The following DNAH3 variants were observed in gnomAD, a reference collection of about 807,000 sequenced individuals.
The protein encoded by DNAH3 is axonemal beta dynein heavy chain 3.
Under a neutral mutation model 432.5 loss-of-function variants are expected in DNAH3, and 332 were observed. The ratio of observed to expected loss-of-function variants is 0.77; its 90% confidence interval spans 0.70 to 0.84. The LOEUF is 0.84. Among genes scored for constraint, DNAH3 ranks in the 40% least tolerant of loss-of-function variants. The pLI is 0.00. For missense variants in DNAH3, 4,861 were observed against 5,114.0 expected (o/e 0.95, Z 1.51); for synonymous variants, 1,956 against 1,900.2 (o/e 1.03, Z -0.76).
intron 42 of DNAH3, among the ~76,000 whole-genome samples, chr16:21,002,114 G>A (rs1404980446): frequency 6.6e-6 from 1 of 152,002 alleles, no homozygotes; most frequent in African/African-American, 2.4e-5. Context: ...TACAGCTGTG[G>A]TCCTGCGTGG....
chr16:21,112,936 C>T (rs1201267536), intron 12 of DNAH3, among the ~76,000 whole-genome samples: 3 of 152,172 alleles, frequency 2.0e-5, no homozygotes, highest in Non-Finnish European at 2.9e-5. Flanking sequence ...GCTGTATTTA[C>T]CCAATACCTG....
intron 4 of DNAH3, 150 bp downstream of exon 5, chr16:21,141,148 AAT>A: frequency 1.1e-5 from 7 of 651,868 alleles, no homozygotes; most frequent in Admixed American, 3.2e-5. Flanking sequence ...CAAAAAAAAA[AAT>A]TTTTTTTTTG....
rs1044072121 is a variant in DNAH3 at position 21,054,237 on chromosome 16, G to A, written c.4039+183C>T. ...GTCCCTGGAAATCAGGTTGCGGATG[G>A]GAGAGGAAACACAGGTGGAGGGATG... On this transcript the variant is annotated intron_variant, in intron 28 of 61. Coordinates refer to ENST00000261383, the Ensembl canonical transcript of DNAH3. 2.6e-5 allele frequency among the ~76,000 whole-genome samples: 4 copies of A among 152,162 alleles called. No individual in the cohort carries two copies. The East Asian group carries it at 7.7e-4, about 29-fold the overall frequency.
intron 51 of DNAH3, 43 bp downstream of exon 51, chr16:20,975,190 T>TTC (rs745901135): frequency 1.9e-6 from 3 of 1,605,398 alleles, no homozygotes; most frequent in Admixed American, 3.4e-5. Context: ...ACCACGCTCA[T>TTC]TCGGCAGCAC....
At chr16:21,057,617 T>C (rs1487413202) in intron 27 of DNAH3, among the ~76,000 whole-genome samples, 1 of 152,176 alleles carries the variant, frequency 6.6e-6, no homozygotes, top group African/African-American at 2.4e-5. Context: ...ATATGTGTAT[T>C]TGGATCTGAG....
intron 21 of DNAH3, among the ~76,000 whole-genome samples, chr16:21,071,748 T>C (rs2090792269): frequency 6.6e-6 from 1 of 151,924 alleles, no homozygotes; most frequent in Middle Eastern, 3.4e-3. Flanking sequence ...AAAAAGACAT[T>C]TATTGTCCAC....
intron 23 of DNAH3, among the ~76,000 whole-genome samples, chr16:21,067,774 A>AGGGGGAGGGGGG (rs1409887401): frequency 2.5e-5 from 1 of 39,946 alleles, no homozygotes; most frequent in Admixed American, 3.4e-4. Flanking sequence ...GGGGGTGGGG[A>AGGGGGAGGGGGG]GGGAGAGAGA....
At chr16:21,072,617 C>A (rs1488250322) in intron 21 of DNAH3, among the ~76,000 whole-genome samples, 1 of 151,608 alleles carries the variant, frequency 6.6e-6, no homozygotes, top group Non-Finnish European at 1.5e-5. Context: ...ATGACAGGCA[C>A]GAGCCACCAT....
chr16:20,985,077 C>T, exon 48 of DNAH3: 2 of 1,609,274 alleles, frequency 1.2e-6, no homozygotes, highest in African/African-American at 1.3e-5. Flanking sequence ...TCTTTCTCAC[C>T]CTCTCAATAA....
At chr16:21,020,348 G>GTATATATATATATATATATATATATA (rs58198093) in intron 40 of DNAH3, among the ~76,000 whole-genome samples, 3 of 69,154 alleles carry the variant, frequency 4.3e-5, no homozygotes, top group Admixed American at 2.2e-4. Flanking sequence ...TATAGTGTGT[G>GTATATATATATATATATATATATATA]TATATATATA....
In DNAH3 at chr16:21,042,342, G is replaced by C. The variant is rs985648542; in HGVS notation, c.4462-139C>G. 28 of 799,596 alleles carry C rather than the reference G, an allele frequency of 3.5e-5. No individual in the cohort carries two copies. In the African/African-American group the frequency reaches 4.3e-4, roughly 12 times the overall value. The allele number at this position is 799,596 out of a possible 1,614,324, so 49.5% of individuals were successfully genotyped here. On this transcript the variant is annotated intron_variant, in intron 31 of 61. Coordinates refer to ENST00000261383, the Ensembl canonical transcript of DNAH3. ...CCTGCACATTCAAAATTAGGAGCAT[G>C]ATTTGGGGTTTTGGTAAGAAAAAAG...
chr16:21,001,096 A>G (rs1349588612), intron 42 of DNAH3, among the ~76,000 whole-genome samples: 1 of 152,134 alleles, frequency 6.6e-6, no homozygotes, highest in East Asian at 1.9e-4. Context: ...TATTTTTTAC[A>G]ACACTCACAT....
Position 21,099,233 on chromosome 16 carries a change from CATGGATGGATGG to C in DNAH3, c.2367-476_2367-465del, listed in dbSNP as rs111518786. The stretch of plus-strand genomic sequence containing the variant: ...AACTGAGGGAGACCTAGACAATAGA[CATGGATGGATGG>C]ATGGATGGATGGATGGATGGATGGA... On this transcript the variant is annotated intron_variant, in intron 16 of 61. Transcript: ENST00000261383. 1.3e-3 allele frequency among the ~76,000 whole-genome samples: 202 copies of C among 149,810 alleles called. 1 individual carries two copies. Among genetic ancestry groups the C allele is most frequent in the South Asian group, 0.012 (54 of 4,578 alleles).
At chr16:21,134,908 G>A (rs1009972608) in intron 6 of DNAH3, among the ~76,000 whole-genome samples, 2 of 152,014 alleles carry the variant, frequency 1.3e-5, no homozygotes, top group Admixed American at 6.6e-5. Context: ...GGTTGGTCTT[G>A]AAATCCTGAC....
In DNAH3 at chr16:21,024,659, C is replaced by T. The variant is rs200245607; in HGVS notation, c.5583G>A (p.Lys1861=). The T allele has an allele frequency of 5.9e-5, 96 of 1,613,768 alleles. No homozygotes were observed. The East Asian group carries it at 1.6e-3, about 28-fold the overall frequency. The change falls in exon 39 of 62, where the codon AAG becomes AAA. Residue 1861 remains lysine (K), a synonymous_variant. Transcript: ENST00000261383. ...TGTCCATGTAGGAATCCTTCAGGGG[C>T]TTCCAGCCTAGTTGATGGGGCTCCA...
At chr16:21,094,105 A>G (rs1338847440) in intron 18 of DNAH3, among the ~76,000 whole-genome samples, 1 of 152,194 alleles carries the variant, frequency 6.6e-6, no homozygotes, top group Non-Finnish European at 1.5e-5. Flanking sequence ...AAGACACTAT[A>G]AAGAGAATAA....
At chr16:20,959,300 C>T (rs907177894) in exon 54 of DNAH3, 1 of 1,614,200 alleles carries the variant, frequency 6.2e-7, no homozygotes, top group East Asian at 2.2e-5. Context: ...TCTTTGATGG[C>T]ATTGTTGATC....
At chr16:21,122,220 A>T (rs2092358055) in intron 9 of DNAH3, 96 bp from the exon 11 acceptor site, 7 of 1,054,476 alleles carry the variant, frequency 6.6e-6, no homozygotes, top group Non-Finnish European at 6.9e-6. Context: ...CATGAGGACC[A>T]GAAAAGGCAA....
intron 59 of DNAH3, among the ~76,000 whole-genome samples, chr16:20,938,717 G>A (rs186083514): frequency 4.7e-5 from 7 of 150,210 alleles, no homozygotes; most frequent in South Asian, 2.1e-4. Flanking sequence ...GGGGAGGAAC[G>A]TTAGAGTACT....
Sources: allele counts gnomAD v4.1 joint callset (sites outside exome capture counted in the v4.1 genomes callset), GRCh38; gene constraint gnomAD v4.1.1; transcripts MANE v1.5; gene names NCBI Gene and HGNC (gene_info 2026-07-23, HGNC 2026-07-21).